CAMTA1: variants seen among roughly 807,000 people sequenced by gnomAD.
The protein encoded by CAMTA1 is calmodulin-binding transcription activator 1.
In CAMTA1, 27 loss-of-function variants were observed where a neutral mutation model predicts 170.9. That is an observed-to-expected ratio of 0.16 (90% CI 0.12 to 0.22). The LOEUF is 0.22. Among genes scored for constraint, CAMTA1 ranks in the 10% least tolerant of loss-of-function variants. The pLI, the probability that CAMTA1 is intolerant of heterozygous loss-of-function variation, is 1.00. For synonymous variants in CAMTA1, 833 were observed against 891.5 expected, an observed-to-expected ratio of 0.93 and a Z score of 1.17; for missense variants, 1,619 against 2,217.2, an observed-to-expected ratio of 0.73 and a Z score of 5.42.
At chr1:6,969,239 A>T (rs1365094998) in intron 3 of CAMTA1, among the ~76,000 whole-genome samples, 3 of 152,178 alleles carry the variant, frequency 2.0e-5, no homozygotes, top group Admixed American at 2.0e-4. Context: ...AGCAGGATGC[A>T]GGTTGGGGGC....
chr1:6,914,378 AGGCGTGAACCACCACACCT>A, intron 3 of CAMTA1, among the ~76,000 whole-genome samples: 1 of 152,228 alleles, frequency 6.6e-6, no homozygotes, highest in Non-Finnish European at 1.5e-5. Flanking sequence ...CTGGGATTAC[AGGCGTGAACCACCACACCT>A]GGCCATCTCT....
chr1:7,023,665 C>G (rs1701663889), intron 3 of CAMTA1, among the ~76,000 whole-genome samples: 1 of 151,860 alleles, frequency 6.6e-6, no homozygotes, highest in South Asian at 2.1e-4. Context: ...GCAATGAAAA[C>G]AAAACAAGAT....
At chr1:7,013,040 C>T (rs1359886561) in intron 3 of CAMTA1, among the ~76,000 whole-genome samples, 1 of 136,990 alleles carries the variant, frequency 7.3e-6, no homozygotes, top group Non-Finnish European at 1.6e-5. Flanking sequence ...ATCCCTGAGT[C>T]CCCTCTCTCG....
intron 4 of CAMTA1, among the ~76,000 whole-genome samples, chr1:7,225,126 C>T (rs772604980): frequency 2.0e-5 from 3 of 152,034 alleles, no homozygotes; most frequent in Non-Finnish European, 2.9e-5. Context: ...GCTCTTTTGC[C>T]CAGGTTGGAG....
intron 4 of CAMTA1, among the ~76,000 whole-genome samples, chr1:7,205,895 G>A (rs1202923590): frequency 6.6e-6 from 1 of 152,024 alleles, no homozygotes; most frequent in Non-Finnish European, 1.5e-5. Flanking sequence ...TCTTGTGCTT[G>A]GTAGGAGATA....
At chr1:7,605,307 C>T (rs1426050675) in intron 6 of CAMTA1, among the ~76,000 whole-genome samples, 1 of 152,192 alleles carries the variant, frequency 6.6e-6, no homozygotes, top group Non-Finnish European at 1.5e-5. Context: ...GCAGGCAGGC[C>T]TCCTTGAGCT....
chr1:6,949,115 T>C lies in CAMTA1; in HGVS notation c.234+123905T>C, dbSNP rs114278316. Among the ~76,000 whole-genome samples, 311 of 152,360 alleles carry C rather than the reference T, an allele frequency of 2.0e-3. 1 individual carries two copies. Among genetic ancestry groups the C allele is most frequent in the African/African-American group, 7.3e-3 (303 of 41,586 alleles). On this transcript the variant is annotated intron_variant, in intron 3 of 22. Coordinates refer to ENST00000303635, the MANE Select transcript of CAMTA1 (RefSeq NM_015215.4). ...TGACTAATCCGGTCCTTGTGACTAATCCACTCTGAGACTTTATCTTTAGAA... is the reference window on the plus strand; with the variant it reads ...TGACTAATCCGGTCCTTGTGACTAACCCACTCTGAGACTTTATCTTTAGAA...
At chr1:7,062,993 C>G (rs866394255) in intron 3 of CAMTA1, among the ~76,000 whole-genome samples, 1 of 152,196 alleles carries the variant, frequency 6.6e-6, no homozygotes, top group African/African-American at 2.4e-5. Flanking sequence ...TAGATGACAT[C>G]GCAAAGCTCC....
At chr1:7,343,825 AT>A (rs2084018762) in intron 5 of CAMTA1, among the ~76,000 whole-genome samples, 1 of 152,302 alleles carries the variant, frequency 6.6e-6, no homozygotes, top group East Asian at 1.9e-4. Context: ...GGCTTTTGAA[AT>A]TTAACATTGT....
intron 1 of CAMTA1, among the ~76,000 whole-genome samples, chr1:6,786,902 G>T (rs541470130): frequency 1.4e-4 from 21 of 152,228 alleles, no homozygotes; most frequent in African/African-American, 4.8e-4. Flanking sequence ...GTATATTTTT[G>T]CCTCCACTTG....
intron 4 of CAMTA1, among the ~76,000 whole-genome samples, chr1:7,233,407 G>A (rs1358835467): frequency 6.6e-6 from 1 of 152,168 alleles, no homozygotes; most frequent in Non-Finnish European, 1.5e-5. Context: ...AGCAGGAATG[G>A]CTGGTCCTCT....
At chr1:7,189,991 GA>G (rs1300106919) in intron 4 of CAMTA1, among the ~76,000 whole-genome samples, 1 of 152,216 alleles carries the variant, frequency 6.6e-6, no homozygotes, top group Non-Finnish European at 1.5e-5. Context: ...CAGTAACCTG[GA>G]GGGGATTGGA....
intron 5 of CAMTA1, among the ~76,000 whole-genome samples, chr1:7,283,879 C>T (rs1406334391): frequency 6.6e-6 from 1 of 152,176 alleles, no homozygotes; most frequent in Non-Finnish European, 1.5e-5. Flanking sequence ...GCTGAGGGGT[C>T]TTTCCACAGT....
Position 7,417,771 on chromosome 1 carries a change from CGCACCCACTGTCCT to C in CAMTA1, c.439-50050_439-50037del, listed in dbSNP as rs979920587. On this transcript the variant is annotated intron_variant, in intron 5 of 22. Coordinates refer to ENST00000303635, the MANE Select transcript of CAMTA1 (RefSeq NM_015215.4). ...GTGCTTCGGCTCACACACAGTGTGC[CGCACCCACTGTCCT>C]GCACCCACCGTCCGGCACTCCCTAG... is the stretch of plus-strand genomic sequence containing the variant. Among the ~76,000 whole-genome samples, 36 of 152,208 alleles carry C rather than the reference CGCACCCACTGTCCT, an allele frequency of 2.4e-4. No individual in the cohort carries two copies. The East Asian group carries it at 6.0e-3, about 25-fold the overall frequency.
chr1:7,237,538 A>G (rs957204039), intron 4 of CAMTA1, among the ~76,000 whole-genome samples: 1 of 152,228 alleles, frequency 6.6e-6, no homozygotes, highest in African/African-American at 2.4e-5. Context: ...GACGCTGGAA[A>G]GAGTGTCTAC....
At chr1:7,109,335 G>A (rs1643879374) in intron 4 of CAMTA1, among the ~76,000 whole-genome samples, 1 of 152,196 alleles carries the variant, frequency 6.6e-6, no homozygotes, top group South Asian at 2.1e-4. Flanking sequence ...GATAAGAGGG[G>A]CAAAGTGTAG....
At chr1:7,054,799 C>T (rs112856089) in intron 3 of CAMTA1, among the ~76,000 whole-genome samples, 1,980 of 152,264 alleles carry the variant, frequency 0.013, 43 homozygotes, top group African/African-American at 0.045. Context: ...TCTCGCACTG[C>T]TTTAAAGAAA....
chr1:7,598,556 T>C (rs1454069582), intron 6 of CAMTA1, among the ~76,000 whole-genome samples: 7 of 152,212 alleles, frequency 4.6e-5, no homozygotes, highest in Non-Finnish European at 7.3e-5. Flanking sequence ...CCACCAACAG[T>C]GTAAAAGTGT....
intron 1 of CAMTA1, among the ~76,000 whole-genome samples, chr1:6,809,016 T>C (rs1021597575): frequency 5.3e-5 from 8 of 151,134 alleles, no homozygotes; most frequent in Non-Finnish European, 1.2e-4. Context: ...CTGTTTTTCT[T>C]CTTCTTCTTT....
Sources: gnomAD v4.1 joint callset for allele counts (sites outside exome capture counted in the v4.1 genomes callset) on GRCh38, gnomAD v4.1.1 for gene constraint, MANE v1.5 for transcripts, NCBI Gene and HGNC (gene_info 2026-07-23, HGNC 2026-07-21) for gene names.